Variants in HMGB4 observed in about 807,000 individuals in gnomAD.
HMGB4 encodes high mobility group protein B4.
For missense variants in HMGB4, 217 were observed against 220.4 expected, an observed-to-expected ratio of 0.98 and a Z score of 0.10; for synonymous variants, 82 against 84.9, an observed-to-expected ratio of 0.97 and a Z score of 0.19.
rs757313547 is a variant in HMGB4, at chr1:33,864,418, T to A, written c.227T>A (p.Met76Lys). ...LDKARYQEEM[M>K]NYVGKRKKRR... ...AAAGCCCGATACCAGGAAGAAATGA[T>A]GAATTATGTTGGCAAGAGGAAGAAA... Residue 76 changes from methionine to lysine, a missense_variant, in exon 1 of 1, where the codon ATG becomes AAG. By Grantham distance (95) the Met-to-Lys change is moderately conservative (BLOSUM62 -1). Coordinates refer to ENST00000681531, the MANE Select transcript of HMGB4 (RefSeq NM_001379301.1). 7 of 1,613,230 alleles carry A rather than the reference T, an allele frequency of 4.3e-6. No individual in the cohort carries two copies. The East Asian group carries it at 1.3e-4, about 31-fold the overall frequency.
chr1:33,860,818 G>C (rs1639447278), upstream of HMGB4: 1 of 152,220 alleles, frequency 6.6e-6, no homozygotes, highest in South Asian at 2.1e-4. Context: ...CGAGGCGGAA[G>C]CTCCCTCTCA....
Position 33,864,256 on chromosome 1 carries a change from A to G in HMGB4, c.65A>G (p.Asn22Ser), listed in dbSNP as rs1639784359. 4 of 1,613,290 alleles carry G rather than the reference A, an allele frequency of 2.5e-6. No individual in the cohort carries two copies. Among genetic ancestry groups the G allele is most frequent in the South Asian group, 2.2e-5 (2 of 90,870 alleles). ...TCTTCTTACGTTCACTTTTTGCTGA[A>G]TTACAGAAACAAATTCAAGGAGCAG... ...NVSSYVHFLL[N>S]YRNKFKEQQP... is the part of the protein sequence containing the mutation. Residue 22 changes from asparagine (N) to serine (S), a missense_variant, in exon 1 of 1, where the codon AAT becomes AGT. Asn to Ser is a conservative substitution (Grantham distance 46). Coordinates refer to ENST00000681531, the MANE Select transcript of HMGB4 (RefSeq NM_001379301.1).
upstream of HMGB4, chr1:33,862,933 A>T (rs1639654379): frequency 6.6e-6 from 1 of 152,230 alleles, no homozygotes; most frequent in Admixed American, 6.5e-5. Flanking sequence ...GTCTAGTCTT[A>T]GGCAAGTTTC....
At chr1:33,861,189 G>A (rs981549591), upstream of HMGB4, 5 of 152,198 alleles carry the variant, frequency 3.3e-5, no homozygotes, top group Non-Finnish European at 7.3e-5. Context: ...GATGTAAAAT[G>A]TATTTCTTAT....
upstream of HMGB4, chr1:33,862,591 T>C (rs1307439795): frequency 2.6e-5 from 4 of 152,174 alleles, no homozygotes; most frequent in Admixed American, 6.5e-5. Flanking sequence ...GGCTGAGAAG[T>C]GTCCCCAGAG....
Position 33,864,552 on chromosome 1 carries a change from G to C in HMGB4, c.361G>C (p.Val121Leu). 1 of 1,614,074 alleles carries C rather than the reference G, an allele frequency of 6.2e-7. No homozygotes were observed. Among genetic ancestry groups the C allele is most frequent in the Non-Finnish European group, 8.5e-7 (1 of 1,180,016 alleles). ...GAGGGAGAACCCGAACTGGTCGGTG[G>C]TGCAGGTGGCCAAGGCCACAGGGAA... ...LKRENPNWSVVQVAKATGKMW... is the reference protein window; with the variant it reads ...LKRENPNWSVLQVAKATGKMW... The change falls in exon 1 of 1, where the codon GTG becomes CTG. Residue 121 changes from valine (V) to leucine (L), a missense_variant. Coordinates refer to ENST00000681531, the MANE Select transcript of HMGB4 (RefSeq NM_001379301.1).
chr1:33,864,550 T>C lies in HMGB4; in HGVS notation c.359T>C (p.Val120Ala). 6.2e-7 allele frequency: 1 copy of C among 1,613,996 alleles called. No homozygotes were observed. The change falls in exon 1 of 1, where the codon GTG becomes GCG. Residue 120 changes from valine (V) to alanine (A), a missense_variant. Transcript: ENST00000681531. ...AAGAGGGAGAACCCGAACTGGTCGGTGGTGCAGGTGGCCAAGGCCACAGGG... is the reference window on the plus strand; with the variant it reads ...AAGAGGGAGAACCCGAACTGGTCGGCGGTGCAGGTGGCCAAGGCCACAGGG... ...QLKRENPNWSVVQVAKATGKM... is the reference protein window; with the variant it reads ...QLKRENPNWSAVQVAKATGKM...
upstream of HMGB4, chr1:33,862,301 T>A (rs1639577756): frequency 2.7e-5 from 4 of 149,352 alleles, no homozygotes; most frequent in Admixed American, 2.7e-4. Flanking sequence ...CTGGATCTTA[T>A]CATGAGAGGG....
upstream of HMGB4, chr1:33,863,308 G>C (rs996421023): frequency 6.6e-6 from 1 of 152,172 alleles, no homozygotes; most frequent in Non-Finnish European, 1.5e-5. Context: ...CCAGAAGCCG[G>C]CCAGTTTGAG....
chr1:33,864,230 CTCT>C lies in HMGB4; in HGVS notation c.44_46del (p.Ser15del), dbSNP rs768080046. On this transcript the variant is annotated inframe_deletion, in exon 1 of 1. Transcript: ENST00000681531. ...TCCAGCTAAAGCCTAAGGCAAATGTCTCTTCTTACGTTCACTTTTTGCTGAATT... is the reference window on the plus strand; with the variant it reads ...TCCAGCTAAAGCCTAAGGCAAATGTCTCTTACGTTCACTTTTTGCTGAATT... 17 of 1,610,850 alleles carry C rather than the reference CTCT, an allele frequency of 1.1e-5. 1 individual carries two copies. The Admixed American group carries it at 2.9e-4, about 27-fold the overall frequency.
chr1:33,863,667 A>T (rs1406403493), upstream of HMGB4: 1 of 153,646 alleles, frequency 6.5e-6, no homozygotes, highest in Non-Finnish European at 1.4e-5. Flanking sequence ...TTTTATCATG[A>T]CAGCCCTGGA....
Position 33,864,753 on chromosome 1 carries a change from T to A in HMGB4, c.*1T>A. On this transcript the variant is annotated 3_prime_UTR_variant, in exon 1 of 1. Coordinates refer to ENST00000681531, the MANE Select transcript of HMGB4 (RefSeq NM_001379301.1). Reference sequence around the variant, plus strand: ...AGGGAAAAGAGTCAGGCAGAGCTGATGGATCCAGTTTGAAAAAACAAAATG... The same window carrying A: ...AGGGAAAAGAGTCAGGCAGAGCTGAAGGATCCAGTTTGAAAAAACAAAATG... 6.3e-7 allele frequency: 1 copy of A among 1,595,736 alleles called. No homozygotes were observed.
In HMGB4 at chr1:33,864,721, G is replaced by A. The variant is rs142588923; in HGVS notation, c.530G>A (p.Arg177Gln). 6.8e-5 allele frequency: 110 copies of A among 1,611,936 alleles called. No individual in the cohort carries two copies. The highest frequency in any genetic ancestry group is 1.7e-4 in the Middle Eastern group (1 of 6,060). The change falls in exon 1 of 1, where the codon CGG becomes CAG. Residue 177 changes from arginine (R) to glutamine (Q), a missense_variant. Coordinates refer to ENST00000681531, the MANE Select transcript of HMGB4 (RefSeq NM_001379301.1). ...AAGTACCGAATGTCAGCTAGAAACC[G>A]GTGCAGAGGGAAAAGAGTCAGGCAG... ...RKKYRMSARN[R>Q]CRGKRVRQS is the part of the protein sequence containing the mutation.
chr1:33,864,556 A>T lies in HMGB4; in HGVS notation c.365A>T (p.Gln122Leu), dbSNP rs777407060. The change falls in exon 1 of 1, where the codon CAG (glutamine) becomes CTG (leucine). Residue 122 changes from glutamine to leucine, a missense_variant. Coordinates refer to ENST00000681531, the MANE Select transcript of HMGB4 (RefSeq NM_001379301.1). ...KRENPNWSVV[Q>L]VAKATGKMWS... ...GAGAACCCGAACTGGTCGGTGGTGCAGGTGGCCAAGGCCACAGGGAAGATG... is the reference window on the plus strand; with the variant it reads ...GAGAACCCGAACTGGTCGGTGGTGCTGGTGGCCAAGGCCACAGGGAAGATG... 3 of 1,614,064 alleles carry T rather than the reference A, an allele frequency of 1.9e-6. No homozygotes were observed. The highest frequency in any genetic ancestry group is 2.5e-6 in the Non-Finnish European group (3 of 1,179,992).
rs767820761 is a variant in HMGB4 at position 33,864,678 on chromosome 1, C to A, written c.487C>A (p.Gln163Lys). ...YFEELELYRK[Q>K]CNARKKYRMS... ...CGAGGAACTTGAACTCTACCGTAAACAATGTAATGCCAGGAAGAAGTACCG... is the reference window on the plus strand; with the variant it reads ...CGAGGAACTTGAACTCTACCGTAAAAAATGTAATGCCAGGAAGAAGTACCG... The change falls in exon 1 of 1, where the codon CAA becomes AAA. Residue 163 changes from glutamine to lysine, a missense_variant. Transcript: ENST00000681531. 2 of 1,613,784 alleles carry A rather than the reference C, an allele frequency of 1.2e-6. No individual in the cohort carries two copies. The highest frequency in any genetic ancestry group is 1.7e-6 in the Non-Finnish European group (2 of 1,179,968).
chr1:33,864,151 G>C lies in HMGB4; in HGVS notation c.-41G>C. On this transcript the variant is annotated 5_prime_UTR_variant, in exon 1 of 1. Transcript: ENST00000681531. ...GAGTGTGGGAACAACAGTCTCTCCT[G>C]TCCACGTTACTGAATCCAGAAAAAA... The C allele has an allele frequency of 1.3e-6, 2 of 1,539,472 alleles. No homozygotes were observed. Among genetic ancestry groups the C allele is most frequent in the Non-Finnish European group, 1.7e-6 (2 of 1,144,432 alleles).
At chr1:33,863,910 A>T (rs1350175552), upstream of HMGB4, 1 of 348,072 alleles carries the variant, frequency 2.9e-6, no homozygotes, top group African/African-American at 2.1e-5. Flanking sequence ...ATCTTTCATG[A>T]GAGGCAAACA....
rs1639775603 is a variant in HMGB4, at chr1:33,864,186, A to G, written c.-6A>G. Reference sequence around the variant, plus strand: ...CTGAATCCAGAAAAAAGGTGAACTTACGAACATGGGAAAAGAAATCCAGCT... The same window carrying G: ...CTGAATCCAGAAAAAAGGTGAACTTGCGAACATGGGAAAAGAAATCCAGCT... On this transcript the variant is annotated 5_prime_UTR_variant, in exon 1 of 1. Coordinates refer to ENST00000681531, the MANE Select transcript of HMGB4 (RefSeq NM_001379301.1). 1 of 1,588,556 alleles carries G rather than the reference A, an allele frequency of 6.3e-7. No homozygotes were observed. The highest frequency in any genetic ancestry group is 1.4e-5 in the African/African-American group (1 of 73,410).
upstream of HMGB4, chr1:33,862,047 G>A (rs886285521): frequency 2.6e-5 from 4 of 152,280 alleles, no homozygotes; most frequent in African/African-American, 9.7e-5. Flanking sequence ...GAAGGTTGAA[G>A]AGAGGTTGGA....
Sources: allele counts gnomAD v4.1 joint callset, GRCh38; gene constraint gnomAD v4.1.1; transcripts MANE v1.5; gene names NCBI Gene and HGNC (gene_info 2026-07-23, HGNC 2026-07-21).